Variants in SMYD1 observed in about 807,000 individuals in gnomAD.
SMYD1 encodes SET and MYND domain containing 1.
In SMYD1, 49 loss-of-function variants were observed where a neutral mutation model predicts 54.0. That is an observed-to-expected ratio of 0.91 (90% CI 0.72 to 1.15). SMYD1 has a LOEUF of 1.15. Ranked by LOEUF, SMYD1 falls within the 50% of genes most tolerant of loss-of-function variation. The pLI is 0.00. For missense variants in SMYD1, 653 were observed against 639.6 expected, an observed-to-expected ratio of 1.02 and a Z score of -0.23; for synonymous variants, 269 against 234.2, an observed-to-expected ratio of 1.15 and a Z score of -1.36.
chr2:88,097,684 T>C (rs1674626104), intron 6 of SMYD1, among the ~76,000 whole-genome samples: 2 of 152,122 alleles, frequency 1.3e-5, no homozygotes. Context: ...AATGACCCTA[T>C]TGCCAAGTAA....
At chr2:88,105,535 G>A (rs1002648460) in intron 7 of SMYD1, among the ~76,000 whole-genome samples, 1 of 152,062 alleles carries the variant, frequency 6.6e-6, no homozygotes, top group Non-Finnish European at 1.5e-5. Context: ...AAGCATCTCT[G>A]GATTACTTAT....
chr2:88,104,247 T>C (rs1002048827), intron 7 of SMYD1, among the ~76,000 whole-genome samples: 3 of 152,204 alleles, frequency 2.0e-5, no homozygotes, highest in Admixed American at 6.5e-5. Flanking sequence ...ATTACAGGCG[T>C]GAGCCACTGC....
chr2:88,104,885 C>T (rs1247385257), intron 7 of SMYD1, among the ~76,000 whole-genome samples: 2 of 152,184 alleles, frequency 1.3e-5, no homozygotes, highest in Admixed American at 6.5e-5. Flanking sequence ...AGGACGATTG[C>T]GGTCAGGTCC....
intron 7 of SMYD1, 22 bp downstream of exon 7, chr2:88,103,172 A>T (rs142916326): frequency 1.3e-6 from 2 of 1,565,424 alleles, no homozygotes; most frequent in East Asian, 4.8e-5. Flanking sequence ...CTTGTTATAG[A>T]GGATGGGGGT....
intron 2 of SMYD1, among the ~76,000 whole-genome samples, chr2:88,086,276 T>C (rs774797187): frequency 6.6e-5 from 10 of 151,804 alleles, no homozygotes; most frequent in Non-Finnish European, 1.5e-4. Context: ...AAATTTCAAT[T>C]AAAAAAAATG....
chr2:88,095,503 C>G (rs527267790), intron 5 of SMYD1, among the ~76,000 whole-genome samples: 1 of 152,354 alleles, frequency 6.6e-6, no homozygotes, highest in South Asian at 2.1e-4. Flanking sequence ...GACTGGGACT[C>G]TTCTCAGGTG....
intron 1 of SMYD1, 25 bp downstream of exon 1, chr2:88,068,026 C>T (rs1255616399): frequency 6.2e-7 from 1 of 1,601,992 alleles, no homozygotes; most frequent in Non-Finnish European, 8.5e-7. Flanking sequence ...GAGTTGCCTT[C>T]TCTCCTGTTA....
chr2:88,086,632 C>A (rs1051293049), intron 2 of SMYD1, among the ~76,000 whole-genome samples: 1 of 152,220 alleles, frequency 6.6e-6, no homozygotes, highest in East Asian at 1.9e-4. Context: ...GGCCTCCGCT[C>A]ACACTGTTTC....
intron 1 of SMYD1, among the ~76,000 whole-genome samples, chr2:88,069,196 G>A (rs1673896033): frequency 6.6e-6 from 1 of 152,186 alleles, no homozygotes; most frequent in Non-Finnish European, 1.5e-5. Flanking sequence ...TGACATCTAT[G>A]TGGTTTGAGT....
In SMYD1 at chr2:88,084,334, C is replaced by T. The variant is rs762979432; in HGVS notation, c.156C>T (p.Cys52=). 6 of 1,576,622 alleles carry T rather than the reference C, an allele frequency of 3.8e-6. No individual in the cohort carries two copies. The South Asian group carries it at 6.7e-5, about 18-fold the overall frequency. The change falls in exon 2 of 10, where the codon TGC becomes TGT. Residue 52 remains cysteine (C), a synonymous_variant. Transcript: ENST00000419482. Reference sequence around the variant, plus strand: ...TTTCCAGCCTTGTTAATTTTGTGTGCCACACCTGCTTCAAGAGGCAGGAGA... The same window carrying T: ...TTTCCAGCCTTGTTAATTTTGTGTGTCACACCTGCTTCAAGAGGCAGGAGA... The part of the protein sequence containing the change: ...VVFDSLVNFV[C]HTCFKRQEKL...
At position 88,088,416 on chromosome 2, in the gene SMYD1, C is replaced by T. The variant is rs574616795; in HGVS notation, c.528+341C>T. 2.0e-5 allele frequency among the ~76,000 whole-genome samples: 3 copies of T among 152,176 alleles called. No individual in the cohort carries two copies. The South Asian group carries it at 6.2e-4, about 32-fold the overall frequency. On this transcript the variant is annotated intron_variant, in intron 3 of 9. Transcript: ENST00000419482. ...GGCCATGGTGACAGCTGGGATCGTC[C>T]AACTAAGAAGTTTCCAGAAACTGTC...
Position 88,110,430 on chromosome 2 carries a change from C to G in SMYD1, c.1391C>G (p.Ala464Gly). 6.2e-7 allele frequency: 1 copy of G among 1,610,180 alleles called. No homozygotes were observed. Among genetic ancestry groups the G allele is most frequent in the Non-Finnish European group, 8.5e-7 (1 of 1,178,230 alleles). Reference protein sequence around the residue: ...NEFMYYKMREAALNNQPMQVM... With the variant: ...NEFMYYKMREGALNNQPMQVM... ...TTCATGTACTACAAGATGCGCGAGGCTGCCCTGAACAACCAGCCCATGCAG... is the reference window on the plus strand; with the variant it reads ...TTCATGTACTACAAGATGCGCGAGGGTGCCCTGAACAACCAGCCCATGCAG... The change falls in exon 10 of 10, where the codon GCT becomes GGT. Residue 464 changes from alanine to glycine, a missense_variant. By Grantham distance (60) the Ala-to-Gly change is moderately conservative. Coordinates refer to ENST00000419482, the MANE Select transcript of SMYD1 (RefSeq NM_198274.4).
In SMYD1 at chr2:88,106,308, C is replaced by T. The variant is rs1200622732; in HGVS notation, c.982-17C>T. The stretch of plus-strand genomic sequence containing the variant: ...TCTGGTGCAATGGTAATGGGCAGGG[C>T]CTCTGTCTCACTCTAGGTTGTGAAA... On this transcript the variant is annotated splice_polypyrimidine_tract_variant and intron_variant, in intron 7 of 9. Coordinates refer to ENST00000419482, the MANE Select transcript of SMYD1 (RefSeq NM_198274.4). 1 of 1,613,300 alleles carries T rather than the reference C, an allele frequency of 6.2e-7. No homozygotes were observed. Among genetic ancestry groups the T allele is most frequent in the Non-Finnish European group, 8.5e-7 (1 of 1,179,496 alleles).
chr2:88,068,046 G>A (rs1419617281), intron 1 of SMYD1, 45 bp downstream of exon 1: 1 of 1,580,234 alleles, frequency 6.3e-7, no homozygotes, highest in East Asian at 2.3e-5. Flanking sequence ...AGTTTGGCTG[G>A]GGCCAAACTC....
chr2:88,086,952 T>C (rs1189139958), intron 2 of SMYD1, among the ~76,000 whole-genome samples: 2 of 149,144 alleles, frequency 1.3e-5, no homozygotes, highest in African/African-American at 4.9e-5. Context: ...TCATCTAGCA[T>C]TAGGTACATC....
intron 8 of SMYD1, among the ~76,000 whole-genome samples, chr2:88,106,719 C>A (rs1674884292): frequency 6.6e-6 from 1 of 152,180 alleles, no homozygotes; most frequent in African/African-American, 2.4e-5. Context: ...TGGTCTTTCC[C>A]AAATTCTCCA....
At chr2:88,074,261 C>G (rs1050940951) in intron 1 of SMYD1, among the ~76,000 whole-genome samples, 1 of 152,232 alleles carries the variant, frequency 6.6e-6, no homozygotes, top group Non-Finnish European at 1.5e-5. Flanking sequence ...GGTTAGAAGT[C>G]TAAAACAGGC....
intron 1 of SMYD1, among the ~76,000 whole-genome samples, chr2:88,080,818 A>G (rs919266760): frequency 1.3e-5 from 2 of 152,232 alleles, no homozygotes; most frequent in African/African-American, 4.8e-5. Context: ...CTTGAAAACC[A>G]TCAGTTAGGG....
chr2:88,098,838 A>G (rs1260648139), intron 6 of SMYD1, among the ~76,000 whole-genome samples: 1 of 152,164 alleles, frequency 6.6e-6, no homozygotes, highest in Non-Finnish European at 1.5e-5. Flanking sequence ...TCTTTTCCCT[A>G]TAATGCTGTA....
Sources: allele counts gnomAD v4.1 joint callset (sites outside exome capture counted in the v4.1 genomes callset), GRCh38; gene constraint gnomAD v4.1.1; transcripts MANE v1.5; gene names NCBI Gene and HGNC (gene_info 2026-07-23, HGNC 2026-07-21).